BCAR3: variants seen among roughly 807,000 people sequenced by gnomAD.
BCAR3 encodes the protein breast cancer anti-estrogen resistance protein 3.
In BCAR3, 37 loss-of-function variants were observed where a neutral mutation model predicts 80.1. That is an observed-to-expected ratio of 0.46 (90% CI 0.36 to 0.61). The LOEUF (loss-of-function observed/expected upper bound fraction) is 0.61, where lower values mean the gene tolerates loss of function less well. BCAR3 is among the 20% of genes least tolerant of loss of function. BCAR3 has a pLI of 0.00. For synonymous variants in BCAR3, 389 were observed against 418.9 expected (o/e 0.93, Z 0.87); for missense variants, 978 against 1,068.2 (o/e 0.92, Z 1.18).
intron 2 of BCAR3, among the ~76,000 whole-genome samples, chr1:93,646,253 A>T (rs1245721301): frequency 6.6e-6 from 1 of 152,212 alleles, no homozygotes; most frequent in Non-Finnish European, 1.5e-5. Flanking sequence ...CTTAAATTGG[A>T]AATTACCCAG....
At chr1:93,837,704 G>A (rs1654818527) in intron 2 of BCAR3, among the ~76,000 whole-genome samples, 1 of 152,194 alleles carries the variant, frequency 6.6e-6, no homozygotes, top group Non-Finnish European at 1.5e-5. Flanking sequence ...GCCATATCAG[G>A]TTGGGTTGTA....
intron 2 of BCAR3, among the ~76,000 whole-genome samples, chr1:93,707,044 G>A (rs962276545): frequency 3.3e-5 from 5 of 151,650 alleles, no homozygotes; most frequent in African/African-American, 4.8e-5. Context: ...GTGTGGTGGC[G>A]GGCGCCTGTA....
intron 5 of BCAR3, among the ~76,000 whole-genome samples, chr1:93,588,217 A>T (rs1401600634): frequency 6.6e-6 from 1 of 152,030 alleles, no homozygotes; most frequent in African/African-American, 2.4e-5. Context: ...CAGATGAAAA[A>T]GTGTGTTTTA....
In BCAR3 at chr1:93,821,418, G is replaced by T. The variant is rs377378167; in HGVS notation, c.-63+24149C>A. On this transcript the variant is annotated intron_variant, in intron 2 of 13. Coordinates refer to the BCAR3 transcript ENST00000370244. ...TCTTTAGAGATAGCCCTTGGATGCA[G>T]ATGGAGTTCAGAGGTGGTGGTAAAG... 2.6e-4 allele frequency among the ~76,000 whole-genome samples: 40 copies of T among 152,342 alleles called. 3 individuals carry two copies. The highest frequency in any genetic ancestry group is 1.2e-3 in the Admixed American group (19 of 15,296).
chr1:93,833,841 T>C (rs923412396), intron 2 of BCAR3, among the ~76,000 whole-genome samples: 19 of 152,270 alleles, frequency 1.2e-4, no homozygotes, highest in Admixed American at 4.6e-4. Flanking sequence ...AGGTGACATA[T>C]ATCCTCAGCT....
At chr1:93,750,248 T>C (rs1651509918) in intron 2 of BCAR3, among the ~76,000 whole-genome samples, 1 of 152,198 alleles carries the variant, frequency 6.6e-6, no homozygotes, top group Non-Finnish European at 1.5e-5. Flanking sequence ...GGAAAACCAC[T>C]GCATTTCAGG....
upstream of BCAR3, among the ~76,000 whole-genome samples, chr1:93,682,477 T>A (rs544933914): frequency 5.1e-4 from 77 of 152,326 alleles, no homozygotes; most frequent in Middle Eastern, 6.8e-3. Context: ...CTGTGCTGTA[T>A]TGGGGGTCAG....
chr1:93,694,613 C>T (rs1382986506), intron 3 of BCAR3, among the ~76,000 whole-genome samples: 1 of 152,194 alleles, frequency 6.6e-6, no homozygotes, highest in Non-Finnish European at 1.5e-5. Context: ...TATCAACCTT[C>T]TCCAACTTTC....
chr1:93,658,066 G>A (rs866312367), intron 2 of BCAR3, among the ~76,000 whole-genome samples: 16 of 151,698 alleles, frequency 1.1e-4, no homozygotes, highest in Admixed American at 7.2e-4. Flanking sequence ...TCAGCCTCCC[G>A]AGTAGCTGGG....
chr1:93,836,267 G>A (rs1654763315), intron 2 of BCAR3, among the ~76,000 whole-genome samples: 1 of 152,044 alleles, frequency 6.6e-6, no homozygotes, highest in South Asian at 2.1e-4. Context: ...CCCAAAACTT[G>A]GATAGAGCCT....
At chr1:93,783,821 C>T (rs1652847995) in intron 2 of BCAR3, among the ~76,000 whole-genome samples, 1 of 152,216 alleles carries the variant, frequency 6.6e-6, no homozygotes, top group Non-Finnish European at 1.5e-5. Flanking sequence ...ACCACCCTCC[C>T]ATCAAGGACA....
intron 7 of BCAR3, among the ~76,000 whole-genome samples, chr1:93,576,627 CT>C (rs1673470669): frequency 6.6e-6 from 1 of 152,212 alleles, no homozygotes; most frequent in South Asian, 2.1e-4. Context: ...TACGCTTCTC[CT>C]GGGCTCAGTA....
At chr1:93,846,249 T>C (rs1655171856) in intron 1 of BCAR3, among the ~76,000 whole-genome samples, 1 of 152,174 alleles carries the variant, frequency 6.6e-6, no homozygotes, top group Non-Finnish European at 1.5e-5. Context: ...GGCCTGGCGA[T>C]GCTGGGCAGG....
chr1:93,811,440 A>G (rs1653837413), intron 2 of BCAR3, among the ~76,000 whole-genome samples: 1 of 152,216 alleles, frequency 6.6e-6, no homozygotes, highest in South Asian at 2.1e-4. Context: ...GTGAGGCTCA[A>G]AGCAGTTAAG....
chr1:93,593,452 G>A (rs1370439701), intron 3 of BCAR3, among the ~76,000 whole-genome samples: 1 of 152,058 alleles, frequency 6.6e-6, no homozygotes, highest in East Asian at 1.9e-4. Flanking sequence ...CTGGGCTCAA[G>A]CAACCTCCTG....
chr1:93,817,206 G>A (rs1357458617), intron 2 of BCAR3, among the ~76,000 whole-genome samples: 1 of 152,224 alleles, frequency 6.6e-6, no homozygotes, highest in Non-Finnish European at 1.5e-5. Context: ...CCTTATATGT[G>A]AGCAGGCACT....
intron 2 of BCAR3, among the ~76,000 whole-genome samples, chr1:93,643,779 A>G (rs1298006348): frequency 1.3e-5 from 2 of 152,136 alleles, no homozygotes; most frequent in Non-Finnish European, 2.9e-5. Context: ...GTAGATTTCA[A>G]CTGATCTTGC....
intron 2 of BCAR3, among the ~76,000 whole-genome samples, chr1:93,649,951 T>C (rs1676268360): frequency 6.6e-6 from 1 of 151,546 alleles, no homozygotes; most frequent in Admixed American, 6.6e-5. Flanking sequence ...TCCTTATAAG[T>C]GGACAGAAGT....
intron 2 of BCAR3, among the ~76,000 whole-genome samples, chr1:93,747,911 C>T (rs1032408438): frequency 1.8e-5 from 1 of 55,150 alleles, no homozygotes; most frequent in African/African-American, 7.5e-5. Context: ...GAGAGTCCTG[C>T]CTGCTCCAAC....
Sources: gnomAD v4.1 joint callset for allele counts (sites outside exome capture counted in the v4.1 genomes callset) on GRCh38, gnomAD v4.1.1 for gene constraint, MANE v1.5 for transcripts, NCBI Gene and HGNC (gene_info 2026-07-23, HGNC 2026-07-21) for gene names.